Variants in KCNQ3 observed in about 807,000 individuals in gnomAD.
KCNQ3 encodes the protein potassium voltage-gated channel subfamily KQT member 3.
KCNQ3 carries 30 observed loss-of-function variants against 92.5 expected under a neutral mutation model. The ratio of observed to expected loss-of-function variants is 0.32; its 90% CI spans 0.24 to 0.44. The LOEUF (loss-of-function observed/expected upper bound fraction) is 0.44, where lower values mean the gene tolerates loss of function less well. Ranked by LOEUF, KCNQ3 falls within the 20% of genes least tolerant of loss-of-function variation. The pLI, the probability that KCNQ3 is intolerant of heterozygous loss-of-function variation, is 1.00. For missense variants in KCNQ3, 913 were observed against 1,140.3 expected, an observed-to-expected ratio of 0.80 and a Z score of 2.87; for synonymous variants, 450 against 468.8, an observed-to-expected ratio of 0.96 and a Z score of 0.52.
chr8:132,159,309 G>A (rs1825911210), intron 9 of KCNQ3, among the ~76,000 whole-genome samples: 1 of 152,026 alleles, frequency 6.6e-6, no homozygotes, highest in African/African-American at 2.4e-5. Flanking sequence ...ATTCTTTGAG[G>A]AAAAAAGGGC....
intron 1 of KCNQ3, among the ~76,000 whole-genome samples, chr8:132,377,991 G>C (rs752876322): frequency 2.0e-5 from 3 of 152,126 alleles, no homozygotes; most frequent in Non-Finnish European, 4.4e-5. Context: ...TATGGACTTG[G>C]AAGAAGGTTC....
intron 4 of KCNQ3, among the ~76,000 whole-genome samples, chr8:132,176,182 T>A (rs1355269882): frequency 6.6e-6 from 1 of 152,202 alleles, no homozygotes; most frequent in Non-Finnish European, 1.5e-5. Context: ...CATTAAATAT[T>A]GATTTAGAGC....
chr8:132,437,036 T>G (rs1053551584), intron 1 of KCNQ3, among the ~76,000 whole-genome samples: 10 of 150,834 alleles, frequency 6.6e-5, no homozygotes, highest in Admixed American at 6.6e-5. Flanking sequence ...TCCCAGCACT[T>G]TGGGAGGCCG....
chr8:132,230,465 GA>G (rs909986019), intron 1 of KCNQ3, among the ~76,000 whole-genome samples: 10 of 151,554 alleles, frequency 6.6e-5, no homozygotes, highest in African/African-American at 1.5e-4. Context: ...GAGAGAGAGA[GA>G]GAGAGAGAGA....
In KCNQ3 at chr8:132,357,979, C is replaced by T. The variant is rs144678435; in HGVS notation, c.386+122168G>A. Among the ~76,000 whole-genome samples the T allele has an allele frequency of 5.7e-3, 867 of 152,316 alleles. 5 individuals carry two copies. The highest frequency in any genetic ancestry group is 0.02 in the African/African-American group (815 of 41,570). On this transcript the variant is annotated intron_variant, in intron 1 of 14. Coordinates refer to ENST00000388996, the MANE Select transcript of KCNQ3 (RefSeq NM_004519.4). ...CATCCATCAAACTCCATCCCGTCCT[C>T]GACAGCCCAGCTGAAACATTTCTTC...
At chr8:132,190,433 A>G (rs149808001) in intron 1 of KCNQ3, among the ~76,000 whole-genome samples, 39 of 152,256 alleles carry the variant, frequency 2.6e-4, no homozygotes, top group African/African-American at 9.1e-4. Context: ...AGACTCTGCC[A>G]TTGCATTCTG....
At chr8:132,404,709 C>T (rs924188149) in intron 1 of KCNQ3, among the ~76,000 whole-genome samples, 12 of 152,316 alleles carry the variant, frequency 7.9e-5, no homozygotes, top group Admixed American at 7.8e-4. Context: ...TACCTTGGCT[C>T]ATACAAGAAC....
At chr8:132,367,498 C>A (rs1408960267) in intron 1 of KCNQ3, among the ~76,000 whole-genome samples, 4 of 152,210 alleles carry the variant, frequency 2.6e-5, no homozygotes, top group Non-Finnish European at 5.9e-5. Context: ...TAGAGTCTAG[C>A]ATAAAAGAAT....
At chr8:132,231,950 T>C (rs1339159554) in intron 1 of KCNQ3, among the ~76,000 whole-genome samples, 1 of 152,208 alleles carries the variant, frequency 6.6e-6, no homozygotes, top group East Asian at 1.9e-4. Flanking sequence ...GCACTGTGCT[T>C]AACACTTCAG....
intron 1 of KCNQ3, among the ~76,000 whole-genome samples, chr8:132,416,794 GT>G (rs1170925971): frequency 3.3e-5 from 5 of 152,146 alleles, no homozygotes; most frequent in Non-Finnish European, 7.4e-5. Context: ...CTGAGAAAAG[GT>G]GAGCTCGGAA....
intron 11 of KCNQ3, among the ~76,000 whole-genome samples, chr8:132,139,333 A>G (rs913877923): frequency 1.3e-5 from 2 of 152,210 alleles, no homozygotes; most frequent in Non-Finnish European, 2.9e-5. Context: ...TTTTCATACA[A>G]CCACATTTCT....
chr8:132,383,554 T>C (rs1008334148), intron 1 of KCNQ3, among the ~76,000 whole-genome samples: 2 of 152,156 alleles, frequency 1.3e-5, no homozygotes, highest in African/African-American at 4.8e-5. Flanking sequence ...CCCACCTTCA[T>C]ATACTTAACA....
Position 132,437,340 on chromosome 8 carries a change from C to T in KCNQ3, c.386+42807G>A, listed in dbSNP as rs114735397. On this transcript the variant is annotated intron_variant, in intron 1 of 14. Coordinates refer to ENST00000388996, the MANE Select transcript of KCNQ3 (RefSeq NM_004519.4). ...AAAAAGAGTGGGGTGGTGTAGGGGA[C>T]AGGCCTAAGGTTTTAGTTCTGGCAT... Among the ~76,000 whole-genome samples, 340 of 151,556 alleles carry T rather than the reference C, an allele frequency of 2.2e-3. 2 individuals are homozygous for T. The highest frequency in any genetic ancestry group is 7.8e-3 in the African/African-American group (321 of 41,378).
chr8:132,186,289 C>T (rs1826954390), intron 1 of KCNQ3, 108 bp from the exon 2 acceptor site: 2 of 762,778 alleles, frequency 2.6e-6, no homozygotes, highest in African/African-American at 3.4e-5. Flanking sequence ...TTCTGCTGGA[C>T]ATTGACATGT....
chr8:132,169,378 C>T lies in KCNQ3; in HGVS notation c.1235+956G>A, dbSNP rs138797630. On this transcript the variant is annotated intron_variant, in intron 8 of 14. Coordinates refer to ENST00000388996, the MANE Select transcript of KCNQ3 (RefSeq NM_004519.4). ...ATAAATGAAATAATGAACTCGAATG[C>T]CTAGAGCATAGTGGGCATCCAATGC... Among the ~76,000 whole-genome samples, 508 of 152,292 alleles carry T rather than the reference C, an allele frequency of 3.3e-3. 4 individuals are homozygous for T. The highest frequency in any genetic ancestry group is 0.012 in the African/African-American group (488 of 41,536).
At chr8:132,230,437 G>A (rs1814600232) in intron 1 of KCNQ3, among the ~76,000 whole-genome samples, 1 of 127,246 alleles carries the variant, frequency 7.9e-6, no homozygotes, top group Non-Finnish European at 1.7e-5. Flanking sequence ...CACAGGCAGA[G>A]AGAGAGAGAG....
At chr8:132,293,594 G>A (rs767770801) in intron 1 of KCNQ3, among the ~76,000 whole-genome samples, 6 of 152,138 alleles carry the variant, frequency 3.9e-5, no homozygotes, top group Non-Finnish European at 8.8e-5. Context: ...CCAGTTTCAC[G>A]TGAGAATGAG....
intron 1 of KCNQ3, among the ~76,000 whole-genome samples, chr8:132,287,250 T>C (rs1332762595): frequency 1.3e-5 from 2 of 152,168 alleles, no homozygotes; most frequent in East Asian, 3.8e-4. Flanking sequence ...CATACACAAA[T>C]AAGATGCCTT....
chr8:132,171,617 C>A (rs76972097), intron 7 of KCNQ3, among the ~76,000 whole-genome samples: 1,974 of 152,292 alleles, frequency 0.013, 22 homozygotes, highest in Non-Finnish European at 0.023. Context: ...CTGGGCAGCA[C>A]AAATGGGAAA....
Sources: gnomAD v4.1 joint callset for allele counts (sites outside exome capture counted in the v4.1 genomes callset) on GRCh38, gnomAD v4.1.1 for gene constraint, MANE v1.5 for transcripts, NCBI Gene and HGNC (gene_info 2026-07-23, HGNC 2026-07-21) for gene names.